The following PLCB4 variants were observed in gnomAD, a reference collection of about 807,000 sequenced individuals.
PLCB4 encodes phospholipase C beta 4, also known as 1-phosphatidylinositol 4,5-bisphosphate phosphodiesterase beta-4.
PLCB4 carries 77 observed loss-of-function variants against 178.8 expected under a neutral mutation model. The observed-to-expected ratio is 0.43, with a 90% confidence interval of 0.36 to 0.52. The LOEUF is 0.52. Among genes scored for constraint, PLCB4 ranks in the 20% least tolerant of loss-of-function variants. The probability of loss-of-function intolerance (pLI) is 0.00; values close to 1 mark genes in which losing one functional copy is unlikely to be tolerated. For missense variants in PLCB4, 1,024 were observed against 1,453.4 expected (o/e 0.70, Z 4.80); for synonymous variants, 496 against 490.8 (o/e 1.01, Z -0.14).
At chr20:9,417,985 GT>G (rs1162796712) in intron 25 of PLCB4, among the ~76,000 whole-genome samples, 1 of 151,860 alleles carries the variant, frequency 6.6e-6, no homozygotes, top group Non-Finnish European at 1.5e-5. Context: ...GTGCTTCTTG[GT>G]TTTTTGTATA....
At chr20:9,327,506 G>A (rs1377121728) in intron 4 of PLCB4, among the ~76,000 whole-genome samples, 2 of 151,910 alleles carry the variant, frequency 1.3e-5, no homozygotes, top group African/African-American at 4.8e-5. Context: ...GCCGGGCGCG[G>A]TGGCTCCCGC....
At chr20:9,439,170 G>A (rs916837718) in intron 30 of PLCB4, among the ~76,000 whole-genome samples, 2 of 152,214 alleles carry the variant, frequency 1.3e-5, no homozygotes, top group Non-Finnish European at 2.9e-5. Context: ...GTTTCATTGG[G>A]TTGGTTGGTC....
At chr20:9,366,972 TC>T (rs1465034165) in intron 9 of PLCB4, among the ~76,000 whole-genome samples, 1 of 152,224 alleles carries the variant, frequency 6.6e-6, no homozygotes, top group Non-Finnish European at 1.5e-5. Flanking sequence ...GTGCGTAGCA[TC>T]TGTGTGGATG....
At chr20:9,307,991 A>G (rs957375535) in intron 4 of PLCB4, 93 bp downstream of exon 4, 1 of 558,116 alleles carries the variant, frequency 1.8e-6, no homozygotes, top group South Asian at 3.0e-5. Flanking sequence ...TGACATAAGT[A>G]AGAACATCTT....
chr20:9,370,601 T>C (rs536933613), intron 9 of PLCB4, among the ~76,000 whole-genome samples: 1 of 152,212 alleles, frequency 6.6e-6, no homozygotes, highest in African/African-American at 2.4e-5. Flanking sequence ...TTTATCATTG[T>C]TTTTGTCCAA....
intron 8 of PLCB4, among the ~76,000 whole-genome samples, 158 bp downstream of exon 8, chr20:9,363,133 A>G (rs1449321570): frequency 6.6e-6 from 1 of 152,202 alleles, no homozygotes. Flanking sequence ...TGTACTCTTC[A>G]TACCACGTAG....
chr20:9,143,195 A>C (rs1468238129), intron 2 of PLCB4, among the ~76,000 whole-genome samples: 2 of 152,102 alleles, frequency 1.3e-5, no homozygotes, highest in Non-Finnish European at 2.9e-5. Context: ...GTCTTCTAAT[A>C]TCTAGACCAT....
chr20:9,305,990 A>G (rs957163085), intron 3 of PLCB4, among the ~76,000 whole-genome samples: 2 of 152,166 alleles, frequency 1.3e-5, no homozygotes, highest in Non-Finnish European at 2.9e-5. Context: ...CCCCATTTAT[A>G]CTACGTGGAA....
chr20:9,380,569 G>A (rs756626345), intron 13 of PLCB4, among the ~76,000 whole-genome samples: 2 of 152,000 alleles, frequency 1.3e-5, no homozygotes, highest in Non-Finnish European at 2.9e-5. Flanking sequence ...AATTTAATAC[G>A]TGATTTGATG....
At chr20:9,277,625 G>A (rs1406519384) in intron 3 of PLCB4, among the ~76,000 whole-genome samples, 1 of 152,022 alleles carries the variant, frequency 6.6e-6, no homozygotes, top group African/African-American at 2.4e-5. Flanking sequence ...GTTGATAAGT[G>A]TCAGGGAGGG....
At chr20:9,115,491 A>G (rs1158450533) in intron 2 of PLCB4, among the ~76,000 whole-genome samples, 1 of 150,690 alleles carries the variant, frequency 6.6e-6, no homozygotes, top group Non-Finnish European at 1.5e-5. Context: ...GGTTTGTTAC[A>G]TATGTATACA....
chr20:9,305,259 C>T (rs189537177), intron 3 of PLCB4, among the ~76,000 whole-genome samples: 8 of 151,870 alleles, frequency 5.3e-5, no homozygotes, highest in Admixed American at 2.0e-4. Context: ...AAAAGAGGCT[C>T]GAGTTTCTTT....
At chr20:9,102,604 T>A (rs2091198623) in intron 2 of PLCB4, among the ~76,000 whole-genome samples, 1 of 152,220 alleles carries the variant, frequency 6.6e-6, no homozygotes, top group South Asian at 2.1e-4. Context: ...GTTTTATGCA[T>A]GCTGATATAT....
chr20:9,123,418 C>A (rs1215267836), intron 2 of PLCB4, among the ~76,000 whole-genome samples: 1 of 51,642 alleles, frequency 1.9e-5, no homozygotes, highest in East Asian at 1.2e-3. Flanking sequence ...TGGAAATCTC[C>A]TCTTTTTTTT....
chr20:9,442,303 C>G (rs577700615), intron 30 of PLCB4, among the ~76,000 whole-genome samples: 1 of 152,276 alleles, frequency 6.6e-6, no homozygotes, highest in African/African-American at 2.4e-5. Flanking sequence ...ATGGAACATT[C>G]CCATTATTGT....
At chr20:9,177,413 C>T (rs932682447) in intron 2 of PLCB4, among the ~76,000 whole-genome samples, 9 of 152,082 alleles carry the variant, frequency 5.9e-5, no homozygotes, top group African/African-American at 2.2e-4. Flanking sequence ...AGCAGAGCCT[C>T]GGGACTGGAC....
rs570246383 is a variant in PLCB4 at position 9,082,617 on chromosome 20, T to G, written c.-135+13411T>G. 1.8e-4 allele frequency among the ~76,000 whole-genome samples: 28 copies of G among 152,342 alleles called. No individual in the cohort carries two copies. In the South Asian group the frequency reaches 5.6e-3, roughly 30 times the overall value. On this transcript the variant is annotated intron_variant, in intron 1 of 39. Transcript: ENST00000378473. ...AGACAACATTTAGGAGGATTATAGTTTAGTTATTACAGCTTTTCAGAAAAC... is the reference window on the plus strand; with the variant it reads ...AGACAACATTTAGGAGGATTATAGTGTAGTTATTACAGCTTTTCAGAAAAC...
At chr20:9,320,080 A>T (rs1568580708) in intron 4 of PLCB4, among the ~76,000 whole-genome samples, 2 of 152,202 alleles carry the variant, frequency 1.3e-5, no homozygotes, top group South Asian at 4.1e-4. Flanking sequence ...CAAGTTTATT[A>T]AGAAAGTAAA....
intron 33 of PLCB4, among the ~76,000 whole-genome samples, chr20:9,456,923 A>G (rs939329281): frequency 5.9e-5 from 9 of 152,208 alleles, no homozygotes; most frequent in African/African-American, 1.7e-4. Context: ...CGCCTAGCAT[A>G]TATTTCCTAC....
Sources: gnomAD v4.1 joint callset for allele counts (sites outside exome capture counted in the v4.1 genomes callset) on GRCh38, gnomAD v4.1.1 for gene constraint, MANE v1.5 for transcripts, NCBI Gene and HGNC (gene_info 2026-07-23, HGNC 2026-07-21) for gene names.